The following ALDH6A1 variants were observed in gnomAD, a reference collection of about 807,000 sequenced individuals.
The protein encoded by ALDH6A1 is methylmalonate-semialdehyde/malonate-semialdehyde dehydrogenase [acylating], mitochondrial.
Under a neutral mutation model 62.6 loss-of-function variants are expected in ALDH6A1, and 43 were observed. The ratio of observed to expected loss-of-function variants is 0.69; its 90% CI spans 0.54 to 0.89. The LOEUF (loss-of-function observed/expected upper bound fraction) is 0.89. Among genes scored for constraint, ALDH6A1 ranks in the 40% least tolerant of loss-of-function variants. ALDH6A1 has a pLI of 0.00. For synonymous variants in ALDH6A1, 194 were observed against 234.2 expected (o/e 0.83, Z 1.57); for missense variants, 551 against 661.3 (o/e 0.83, Z 1.83).
intron 1 of ALDH6A1, among the ~76,000 whole-genome samples, chr14:74,077,589 AC>A (rs1283441757): frequency 6.6e-6 from 1 of 152,180 alleles, no homozygotes; most frequent in African/African-American, 2.4e-5. Context: ...TCACACAGGA[AC>A]TAATCCATTC....
chr14:74,066,488 T>A (rs2139771312), intron 9 of ALDH6A1, among the ~76,000 whole-genome samples: 1 of 152,270 alleles, frequency 6.6e-6, no homozygotes, highest in African/African-American at 2.4e-5. Context: ...TATCTATCCC[T>A]TTATGGAAAG....
At chr14:74,069,100 TC>T (rs375722724) in intron 6 of ALDH6A1, 119 bp from the exon 7 acceptor site, 134 of 938,806 alleles carry the variant, frequency 1.4e-4, no homozygotes, top group Non-Finnish European at 1.7e-4. Flanking sequence ...TTTTACTTTT[TC>T]TTTTTTTTTT....
intron 1 of ALDH6A1, among the ~76,000 whole-genome samples, chr14:74,079,591 C>A (rs2060651524): frequency 6.6e-6 from 1 of 151,990 alleles, no homozygotes; most frequent in Non-Finnish European, 1.5e-5. Context: ...CGCCACCATG[C>A]CTGGCTAGTT....
rs1335259503 is a variant in ALDH6A1, at chr14:74,064,313, AAT to A, written c.1503+507_1503+508del. On this transcript the variant is annotated intron_variant, in intron 11 of 11. Coordinates refer to ENST00000553458, the MANE Select transcript of ALDH6A1 (RefSeq NM_005589.4). Reference sequence around the variant, plus strand: ...ACTGTGTCTCAAAAAAAAAAAAAATAATAATAATAATAGTAATAATAATGTCT... The same window carrying A: ...ACTGTGTCTCAAAAAAAAAAAAAATAAATAATAATAGTAATAATAATGTCT... Among the ~76,000 whole-genome samples the A allele has an allele frequency of 3.5e-4, 30 of 86,250 alleles. No homozygotes were observed. In the East Asian group the frequency reaches 4.5e-3, roughly 13 times the overall value. The allele number at this position is 86,250 out of a possible 152,430, so 56.6% of individuals were successfully genotyped here.
At chr14:74,070,085 C>T (rs2060528537) in intron 6 of ALDH6A1, among the ~76,000 whole-genome samples, 1 of 152,030 alleles carries the variant, frequency 6.6e-6, no homozygotes, top group Admixed American at 6.5e-5. Context: ...AAGTGATCCG[C>T]CTGCCTTCAC....
At chr14:74,072,085 C>A in intron 4 of ALDH6A1, 111 bp from the exon 5 acceptor site, 2 of 1,571,128 alleles carry the variant, frequency 1.3e-6, no homozygotes, top group South Asian at 1.1e-5. Context: ...GGGAGAGAGT[C>A]ATGATCAACG....
In ALDH6A1 at chr14:74,074,937, T is replaced by A. The variant is rs2060595658; in HGVS notation, c.111+18A>T. ...GAATTCCTTCTCAGAAGTCAACCTC[T>A]ATGCCAAATAAACTCACCACTGAAG... On this transcript the variant is annotated intron_variant, in intron 2 of 11. Transcript: ENST00000553458. The A allele has an allele frequency of 6.2e-7, 1 of 1,612,790 alleles. No homozygotes were observed.
chr14:74,069,567 A>G (rs2060520680), intron 6 of ALDH6A1, among the ~76,000 whole-genome samples: 1 of 151,746 alleles, frequency 6.6e-6, no homozygotes, highest in Non-Finnish European at 1.5e-5. Context: ...CCTAGCCAAT[A>G]TGGTGAAACC....
intron 1 of ALDH6A1, among the ~76,000 whole-genome samples, chr14:74,077,987 T>A (rs2060631379): frequency 6.6e-6 from 1 of 152,190 alleles, no homozygotes; most frequent in East Asian, 1.9e-4. Flanking sequence ...CTGCCTGTAG[T>A]CCCAACTACT....
At chr14:74,067,286 A>C (rs1255166309) in intron 8 of ALDH6A1, 94 bp downstream of exon 8, 1 of 1,385,834 alleles carries the variant, frequency 7.2e-7, no homozygotes, top group Admixed American at 1.7e-5. Context: ...AAGAATAGAC[A>C]TGATTGTTCC....
At position 74,072,363 on chromosome 14, in the gene ALDH6A1, G is replaced by T; in HGVS notation, c.188C>A (p.Ala63Asp). The stretch of plus-strand genomic sequence containing the variant: ...GACCCGACCAATGACCTCATTGGTG[G>T]CCTGATGAGAAAAATAAGCACATGA... ...SDKWIDIHNPATNEVIGRVPQ... is the reference protein window; with the variant it reads ...SDKWIDIHNPDTNEVIGRVPQ... The change falls in exon 4 of 12, where the codon GCC becomes GAC. Residue 63 changes from alanine (A) to aspartate (D), a missense_variant and splice_region_variant. By Grantham distance (126) the Ala-to-Asp change is moderately radical. Coordinates refer to ENST00000553458, the MANE Select transcript of ALDH6A1 (RefSeq NM_005589.4). 1 of 1,614,120 alleles carries T rather than the reference G, an allele frequency of 6.2e-7. No homozygotes were observed. Among genetic ancestry groups the T allele is most frequent in the Non-Finnish European group, 8.5e-7 (1 of 1,180,018 alleles).
At chr14:74,066,166 G>C (rs1011155709) in intron 9 of ALDH6A1, 7 of 163,350 alleles carry the variant, frequency 4.3e-5, no homozygotes, top group African/African-American at 1.7e-4. Context: ...CATAAGCTAG[G>C]CAGCAAGAGG....
At position 74,060,279 on chromosome 14, in the gene ALDH6A1, C is replaced by T. The variant is rs1021524228; in HGVS notation, c.*363G>A. On this transcript the variant is annotated 3_prime_UTR_variant, in exon 12 of 12. Coordinates refer to ENST00000553458, the MANE Select transcript of ALDH6A1 (RefSeq NM_005589.4). ...CCTCCCAAAATGATGGAATTACAGG[C>T]GTGAGCCACCGCGCCTGGCTGGAAC... 15 of 248,664 alleles carry T rather than the reference C, an allele frequency of 6.0e-5. No homozygotes were observed. The highest frequency in any genetic ancestry group is 1.1e-4 in the Non-Finnish European group (14 of 124,994). The allele number at this position is 248,664 out of a possible 1,614,324, so 15.4% of individuals were successfully genotyped here.
intron 11 of ALDH6A1, among the ~76,000 whole-genome samples, chr14:74,062,049 G>A (rs62005114): frequency 1.1e-5 from 1 of 88,276 alleles, no homozygotes; most frequent in African/African-American, 5.8e-5. Context: ...CGTCTCTACT[G>A]GGAAAAAAAA....
At chr14:74,073,310 T>C (rs1595127783) in intron 2 of ALDH6A1, among the ~76,000 whole-genome samples, 1 of 151,464 alleles carries the variant, frequency 6.6e-6, no homozygotes, top group East Asian at 2.0e-4. Context: ...TTGGCCATAT[T>C]GCCTGGCTGG....
At chr14:74,077,882 A>G in intron 1 of ALDH6A1, among the ~76,000 whole-genome samples, 1 of 152,174 alleles carries the variant, frequency 6.6e-6, no homozygotes, top group East Asian at 1.9e-4. Flanking sequence ...ATTAAACCTG[A>G]TCAGGACTGT....
At chr14:74,069,196 C>G in intron 6 of ALDH6A1, 1 of 438,302 alleles carries the variant, frequency 2.3e-6, no homozygotes, top group South Asian at 2.1e-5. Flanking sequence ...CCTCCGCCTC[C>G]CAGGTTCAAG....
chr14:74,058,055 C>T lies in ALDH6A1; in HGVS notation c.*2587G>A, dbSNP rs1230940201. 5 of 355,124 alleles carry T rather than the reference C, an allele frequency of 1.4e-5. No individual in the cohort carries two copies. The highest frequency in any genetic ancestry group is 7.9e-6 in the Non-Finnish European group (2 of 253,658). 22.0% of individuals were successfully genotyped at this position (355,124 alleles called of 1,614,324 possible). ...TAAATATCACTACCAGGGCCAGGTG[C>T]GGTGGTTCACGCCTGTAATCCCAGC... is the stretch of plus-strand genomic sequence containing the variant. On this transcript the variant is annotated 3_prime_UTR_variant, in exon 12 of 12. Coordinates refer to ENST00000553458, the MANE Select transcript of ALDH6A1 (RefSeq NM_005589.4).
chr14:74,062,067 A>G (rs911956313), intron 11 of ALDH6A1, among the ~76,000 whole-genome samples: 3 of 147,928 alleles, frequency 2.0e-5, no homozygotes, highest in Non-Finnish European at 3.0e-5. Flanking sequence ...AAAAAAAAAA[A>G]AAAAAAAAAA....
Sources: gnomAD v4.1 joint callset for allele counts (sites outside exome capture counted in the v4.1 genomes callset) on GRCh38, gnomAD v4.1.1 for gene constraint, MANE v1.5 for transcripts, NCBI Gene and HGNC (gene_info 2026-07-23, HGNC 2026-07-21) for gene names.